The following RYR1 variants were observed in gnomAD, a reference collection of about 807,000 sequenced individuals.
The protein encoded by RYR1 is ryanodine receptor 1, also known as central core disease of muscle.
Under a neutral mutation model 583.5 loss-of-function variants are expected in RYR1, and 342 were observed. The ratio of observed to expected loss-of-function variants is 0.59; its 90% CI spans 0.54 to 0.64. The LOEUF (loss-of-function observed/expected upper bound fraction) is 0.64. Among genes scored for constraint, RYR1 ranks in the 30% least tolerant of loss-of-function variants. RYR1 has a pLI of 0.00. For synonymous variants in RYR1, 2,791 were observed against 2,822.5 expected, an observed-to-expected ratio of 0.99 and a Z score of 0.35; for missense variants, 6,032 against 6,917.2, an observed-to-expected ratio of 0.87 and a Z score of 4.54.
intron 53 of RYR1, 140 bp from the exon 54 acceptor site, chr19:38,505,666 C>T (rs915509939): frequency 1.9e-6 from 2 of 1,077,616 alleles, no homozygotes; most frequent in African/African-American, 1.6e-5. Flanking sequence ...GGCTCTGTTA[C>T]AGAGCAGGTA....
chr19:38,569,040 T>C (rs1973583949), intron 93 of RYR1, among the ~76,000 whole-genome samples: 1 of 151,688 alleles, frequency 6.6e-6, no homozygotes, highest in Non-Finnish European at 1.5e-5. Context: ...AGACGGAGTC[T>C]CGCTCTGTTG....
intron 105 of RYR1, among the ~76,000 whole-genome samples, chr19:38,587,039 C>T (rs562373286): frequency 5.9e-5 from 9 of 152,192 alleles, no homozygotes; most frequent in Admixed American, 2.6e-4. Flanking sequence ...GAGGCCACAG[C>T]GGGAGAATTG....
At chr19:38,486,872 GATCTTTCCATCAAC>G (rs1568486255) in intron 34 of RYR1, among the ~76,000 whole-genome samples, 2 of 151,798 alleles carry the variant, frequency 1.3e-5, no homozygotes, top group Admixed American at 1.3e-4. Flanking sequence ...CCATCAACAA[GATCTTTCCATCAAC>G]ATCTTTCCAT....
At chr19:38,571,532 G>A (rs981285605) in intron 94 of RYR1, among the ~76,000 whole-genome samples, 1 of 152,148 alleles carries the variant, frequency 6.6e-6, no homozygotes. Context: ...AGCTATGCAG[G>A]AGGCTGAGGC....
At position 38,587,495 on chromosome 19, in the gene RYR1, C is replaced by G; in HGVS notation, c.*75C>G. The G allele has an allele frequency of 9.3e-7, 1 of 1,078,022 alleles. No homozygotes were observed. The highest frequency in any genetic ancestry group is 1.4e-6 in the Non-Finnish European group (1 of 696,558). 66.8% of individuals were successfully genotyped at this position (1,078,022 alleles called of 1,614,324 possible). ...AGCAAGCCCCTTAGTCCCCAAGCCC[C>G]TCCCCCTAAGGCAGCTGGGGGAGAG... On this transcript the variant is annotated 3_prime_UTR_variant, in exon 106 of 106. Coordinates refer to ENST00000359596, the MANE Select transcript of RYR1 (RefSeq NM_000540.3).
chr19:38,507,204 C>T (rs1970501520), intron 57 of RYR1, among the ~76,000 whole-genome samples: 1 of 146,384 alleles, frequency 6.8e-6, no homozygotes, highest in Non-Finnish European at 1.5e-5. Context: ...GGGCGGGGCC[C>T]AGGGAGCAGA....
Position 38,573,305 on chromosome 19 carries a change from G to T in RYR1, c.14127G>T (p.Thr4709=). ...KGQWDRLVLN[T]PSFPSNYWDK... is the part of the protein sequence containing the mutation. Reference sequence around the variant, plus strand: ...AGTGGGACCGACTGGTGCTCAACACGCCGTAAGGACCCAGCCCCCACCTCA... The same window carrying T: ...AGTGGGACCGACTGGTGCTCAACACTCCGTAAGGACCCAGCCCCCACCTCA... Residue 4709 remains threonine, a splice_region_variant and synonymous_variant, in exon 96 of 106, where the codon ACG becomes ACT. Coordinates refer to ENST00000359596, the MANE Select transcript of RYR1 (RefSeq NM_000540.3). 6.2e-7 allele frequency: 1 copy of T among 1,613,122 alleles called. No homozygotes were observed. The highest frequency in any genetic ancestry group is 2.2e-5 in the East Asian group (1 of 44,828).
intron 19 of RYR1, 136 bp from the exon 20 acceptor site, chr19:38,460,239 C>G: frequency 1.3e-6 from 1 of 785,842 alleles, no homozygotes; most frequent in Non-Finnish European, 2.3e-6. Context: ...ACCTCCAGGA[C>G]ACTATGACTG....
chr19:38,454,255 G>C (rs1600671935), intron 13 of RYR1, among the ~76,000 whole-genome samples: 3 of 152,282 alleles, frequency 2.0e-5, no homozygotes, highest in Middle Eastern at 3.4e-3. Flanking sequence ...GGCCAGGCTC[G>C]TCTCAAACTC....
intron 67 of RYR1, 78 bp from the exon 68 acceptor site, chr19:38,522,950 C>G: frequency 8.6e-7 from 1 of 1,156,246 alleles, no homozygotes; most frequent in East Asian, 2.6e-5. Context: ...CCCATCTCCT[C>G]CTCCAAGATC....
At chr19:38,564,913 GC>G in intron 90 of RYR1, 45 bp from the exon 91 acceptor site, 1 of 1,546,026 alleles carries the variant, frequency 6.5e-7, no homozygotes, top group Non-Finnish European at 8.7e-7. Flanking sequence ...TGCTGTCCGA[GC>G]CCCCGCTGAC....
intron 89 of RYR1, among the ~76,000 whole-genome samples, chr19:38,552,436 T>C (rs1004968780): frequency 6.6e-6 from 1 of 151,834 alleles, no homozygotes; most frequent in African/African-American, 2.4e-5. Flanking sequence ...GTATTTTTAG[T>C]AGAGACGGGC....
Position 38,502,663 on chromosome 19 carries a change from C to A in RYR1, c.7771C>A (p.Arg2591=). The change falls in exon 48 of 106, where the codon CGG becomes AGG. Residue 2591 remains arginine (R), a synonymous_variant. Coordinates refer to ENST00000359596, the MANE Select transcript of RYR1 (RefSeq NM_000540.3). ...GCTGCATACCGTGTACCGCCTGTCT[C>A]GGGGTCGTTCGCTCACCAAGGCGCA... is the stretch of plus-strand genomic sequence containing the variant. ...SMLHTVYRLS[R]GRSLTKAQRD... is the part of the protein sequence containing the mutation. The A allele has an allele frequency of 6.2e-7, 1 of 1,611,124 alleles. No homozygotes were observed. The highest frequency in any genetic ancestry group is 8.5e-7 in the Non-Finnish European group (1 of 1,179,734).
In RYR1 at chr19:38,496,130, A is replaced by G. The variant is rs530829392; in HGVS notation, c.6549-85A>G. 1 of 1,111,222 alleles carries G rather than the reference A, an allele frequency of 9.0e-7. No homozygotes were observed. Among genetic ancestry groups the G allele is most frequent in the African/African-American group, 1.5e-5 (1 of 65,414 alleles). 68.8% of individuals were successfully genotyped at this position (1,111,222 alleles called of 1,614,324 possible). A position where few individuals can be genotyped will look rare whatever the true frequency, so the allele number is the denominator to read the frequency against. On this transcript the variant is annotated intron_variant, in intron 39 of 105. Coordinates refer to ENST00000359596, the MANE Select transcript of RYR1 (RefSeq NM_000540.3). The surrounding 1 kb of genome is among the most constrained non-coding windows in gnomAD (Gnocchi z 4.8). ...TGCTAGGCACAGAGTGAGAGGGTCAAGAATGCCAACGCTGTCACAGTGGTG... is the reference window on the plus strand; with the variant it reads ...TGCTAGGCACAGAGTGAGAGGGTCAGGAATGCCAACGCTGTCACAGTGGTG...
chr19:38,461,743 AAGGG>A (rs145856561), intron 20 of RYR1, among the ~76,000 whole-genome samples: 24,619 of 139,458 alleles, frequency 0.18, 2,471 homozygotes, highest in East Asian at 0.35. Context: ...AAAAAAAAGA[AAGGG>A]AGAGAGAGAG....
intron 89 of RYR1, among the ~76,000 whole-genome samples, chr19:38,553,501 T>C (rs1014849847): frequency 6.6e-6 from 1 of 150,418 alleles, no homozygotes; most frequent in African/African-American, 2.5e-5. Context: ...AATCAAAAAA[T>C]TAGCTGGATG....
At chr19:38,454,878 G>A (rs1429583084) in intron 13 of RYR1, among the ~76,000 whole-genome samples, 9 of 152,136 alleles carry the variant, frequency 5.9e-5, no homozygotes, top group Non-Finnish European at 7.4e-5. Flanking sequence ...GTTGGTGGGA[G>A]TGGGGTTCCA....
chr19:38,502,996 T>A, intron 49 of RYR1, 26 bp downstream of exon 49: 1 of 1,603,140 alleles, frequency 6.2e-7, no homozygotes, highest in Non-Finnish European at 8.5e-7. Flanking sequence ...CTTTAGCATC[T>A]CATTTCCAGG....
chr19:38,535,408 C>T lies in RYR1; in HGVS notation c.11516+16C>T. 6.2e-7 allele frequency: 1 copy of T among 1,603,112 alleles called. No individual in the cohort carries two copies. Among genetic ancestry groups the T allele is most frequent in the East Asian group, 2.2e-5 (1 of 44,816 alleles). Reference sequence around the variant, plus strand: ...AAACATGCAGGTAGGTTCGAGTGGACCTCTTCTTGTTAAGCTGTGTTTGGT... The same window carrying T: ...AAACATGCAGGTAGGTTCGAGTGGATCTCTTCTTGTTAAGCTGTGTTTGGT... On this transcript the variant is annotated intron_variant, in intron 81 of 105. Coordinates refer to ENST00000359596, the MANE Select transcript of RYR1 (RefSeq NM_000540.3).
Sources: allele counts gnomAD v4.1 joint callset (sites outside exome capture counted in the v4.1 genomes callset), GRCh38; gene constraint gnomAD v4.1.1; non-coding constraint Gnocchi (gnomAD v3.1); transcripts MANE v1.5; gene names NCBI Gene and HGNC (gene_info 2026-07-23, HGNC 2026-07-21).